VWCE: variants seen among roughly 807,000 people sequenced by gnomAD.
The protein encoded by VWCE is von Willebrand factor C and EGF domain-containing protein.
Under a neutral mutation model 102.9 loss-of-function variants are expected in VWCE, and 68 were observed. That is an observed-to-expected ratio of 0.66 (90% confidence interval 0.54 to 0.81). The LOEUF (loss-of-function observed/expected upper bound fraction) is 0.81, where lower values mean the gene tolerates loss of function less well. VWCE is among the 30% of genes least tolerant of loss of function. The probability of loss-of-function intolerance (pLI) is 0.00; values close to 1 mark genes in which losing one functional copy is unlikely to be tolerated. For missense variants in VWCE, 1,137 were observed against 1,263.6 expected (o/e 0.90, Z 1.52); for synonymous variants, 497 against 515.4 (o/e 0.96, Z 0.48).
In VWCE at chr11:61,278,422, T is replaced by C. The variant is rs201355506; in HGVS notation, c.1379A>G (p.Asn460Ser). The C allele has an allele frequency of 6.6e-5, 106 of 1,614,146 alleles. 1 individual carries two copies. In the East Asian group the frequency reaches 1.2e-3, roughly 19 times the overall value. ...ACAGACACAGACGGTGCAGTTCTCA[T>C]TGGGAGGTGAAAACACATCCCCTTC... is the stretch of plus-strand genomic sequence containing the variant. The part of the protein sequence containing the change: ...RAEGDVFSPP[N>S]ENCTVCVCLA... The change falls in exon 10 of 20, where the codon AAT (asparagine) becomes AGT (serine). Residue 460 changes from asparagine (N) to serine (S), a missense_variant. By Grantham distance (46) the Asn-to-Ser change is conservative. Coordinates refer to ENST00000335613, the MANE Select transcript of VWCE (RefSeq NM_152718.2).
chr11:61,294,902 A>G lies in VWCE; in HGVS notation c.110+26T>C. ...CCGGTAGCGCTCTCCCGGGCGGGGG[A>G]GCGGGGAGGAGCTCCGGGCGCTTAC... On this transcript the variant is annotated intron_variant, in intron 1 of 19. Transcript: ENST00000335613. This position sits in a 1 kb window ranked among gnomAD's most constrained non-coding sequence, Gnocchi z 6.3. 2.2e-6 allele frequency: 3 copies of G among 1,355,310 alleles called. No individual in the cohort carries two copies. Among genetic ancestry groups the G allele is most frequent in the Non-Finnish European group, 2.9e-6 (3 of 1,043,440 alleles). 84.0% of individuals were successfully genotyped at this position (1,355,310 alleles called of 1,614,324 possible). A position where few individuals can be genotyped will look rare whatever the true frequency, so the allele number is the denominator to read the frequency against.
intron 4 of VWCE, among the ~76,000 whole-genome samples, chr11:61,290,506 C>T (rs1418027814): frequency 1.5e-5 from 2 of 137,804 alleles, no homozygotes; most frequent in African/African-American, 2.8e-5. Flanking sequence ...AGTGAAACTT[C>T]GTCTCAAAAA....
intron 13 of VWCE, 51 bp from the exon 14 acceptor site, chr11:61,271,811 C>A: frequency 1.9e-6 from 3 of 1,549,940 alleles, no homozygotes; most frequent in Admixed American, 1.7e-5. Flanking sequence ...TAGACTACAA[C>A]AGCAGCAAGG....
Position 61,264,592 on chromosome 11 carries a change from G to A in VWCE, c.2140-15C>T. The A allele has an allele frequency of 6.3e-7, 1 of 1,598,314 alleles. No homozygotes were observed. Among genetic ancestry groups the A allele is most frequent in the South Asian group, 1.1e-5 (1 of 88,338 alleles). On this transcript the variant is annotated splice_polypyrimidine_tract_variant and intron_variant, in intron 18 of 19. Transcript: ENST00000335613. ...ACCTCTCCCAGCTGGGGAAGCAGAA[G>A]GAACCCCATGAGGAAGCCCAGAGCA...
chr11:61,291,278 C>T lies in VWCE; in HGVS notation c.281G>A (p.Gly94Glu). 6.3e-7 allele frequency: 1 copy of T among 1,592,206 alleles called. No homozygotes were observed. The highest frequency in any genetic ancestry group is 2.2e-5 in the East Asian group (1 of 44,638). The part of the protein sequence containing the change: ...NVCSCQDGEQ[G>E]ATCPETHGPC... ...TCCCCAGTTACCTGGGCAGGTGGCC[C>T]CTTGCTCTCCATCCTGGCAGGAGCA... Residue 94 changes from glycine (G) to glutamate (E), a missense_variant, in exon 3 of 20, where the codon GGG becomes GAG. By Grantham distance (98) the Gly-to-Glu change is moderately conservative. This residue lies in a region of VWCE where 575 missense variants were observed against 625.9 expected (regional missense o/e 0.92). Transcript: ENST00000335613.
Position 61,281,056 on chromosome 11 carries a change from G to A in VWCE, c.967C>T (p.Pro323Ser). The change falls in exon 8 of 20, where the codon CCA becomes TCA. Residue 323 changes from proline to serine, a missense_variant. Around this residue, in one of 5 missense-constraint regions of VWCE, gnomAD observed 575 missense variants for 625.9 expected, o/e 0.92. Transcript: ENST00000335613. ...GAAGGGGAGGATGTGGGTAGTCGTG[G>A]GGTGGGAGATGGCAGGCGGGTGGTC... Reference protein sequence around the residue: ...VRTTRLPSPTPRLPTSSPSAP... With the variant: ...VRTTRLPSPTSRLPTSSPSAP... The A allele has an allele frequency of 6.3e-7, 1 of 1,598,984 alleles. No homozygotes were observed. Among genetic ancestry groups the A allele is most frequent in the Non-Finnish European group, 8.5e-7 (1 of 1,172,216 alleles).
intron 9 of VWCE, among the ~76,000 whole-genome samples, chr11:61,278,867 C>T (rs1268506212): frequency 2.6e-5 from 4 of 151,648 alleles, no homozygotes; most frequent in South Asian, 2.1e-4. Flanking sequence ...GGTGAAACCC[C>T]GTCTCTACTG....
intron 16 of VWCE, among the ~76,000 whole-genome samples, chr11:61,266,200 A>AT (rs1292570245): frequency 6.6e-6 from 1 of 152,024 alleles, no homozygotes; most frequent in Non-Finnish European, 1.5e-5. Context: ...CTGTCTCAGT[A>AT]TTTTTTTATG....
At chr11:61,267,929 C>G (rs770933821) in intron 15 of VWCE, among the ~76,000 whole-genome samples, 1 of 151,980 alleles carries the variant, frequency 6.6e-6, no homozygotes, top group African/African-American at 2.4e-5. Flanking sequence ...CCACCAACCC[C>G]GCCTGTCCAG....
rs1444709920 is a variant in VWCE, at chr11:61,259,025, C to A, written c.2518G>T (p.Ala840Ser). The A allele has an allele frequency of 1.2e-6, 2 of 1,613,766 alleles. No individual in the cohort carries two copies. Among genetic ancestry groups the A allele is most frequent in the Non-Finnish European group, 1.7e-6 (2 of 1,179,834 alleles). ...LTATFPGEPG[A>S]SPRLSPGPST... ...GGCCCTGGTGAGAGTCGAGGGGAGGCCCCAGGCTCCCCTGGGAAAGTGGCT... is the reference window on the plus strand; with the variant it reads ...GGCCCTGGTGAGAGTCGAGGGGAGGACCCAGGCTCCCCTGGGAAAGTGGCT... The change falls in exon 20 of 20, where the codon GCC becomes TCC. Residue 840 changes from alanine to serine, a missense_variant. By Grantham distance (99) the Ala-to-Ser change is moderately conservative. Coordinates refer to ENST00000335613, the MANE Select transcript of VWCE (RefSeq NM_152718.2).
rs1293468389 is a variant in VWCE at position 61,282,423 on chromosome 11, A to G, written c.658+366T>C. On this transcript the variant is annotated intron_variant, in intron 6 of 19. Coordinates refer to ENST00000335613, the MANE Select transcript of VWCE (RefSeq NM_152718.2). ...TGGAAATTTCTGCTAATGGGCTGAG[A>G]AAACAGGGTCTCCTTCTAAACCAGA... 3 of 212,546 alleles carry G rather than the reference A, an allele frequency of 1.4e-5. No homozygotes were observed. The Admixed American group carries it at 1.7e-4, about 12-fold the overall frequency. The allele number at this position is 212,546 out of a possible 1,614,324, so 13.2% of individuals were successfully genotyped here.
chr11:61,274,227 G>C (rs1453123113), intron 12 of VWCE, among the ~76,000 whole-genome samples: 3 of 152,146 alleles, frequency 2.0e-5, no homozygotes, highest in Admixed American at 2.0e-4. Flanking sequence ...CACCTAGGCA[G>C]TGGGCTTCCG....
chr11:61,269,207 C>T lies in VWCE; in HGVS notation c.1786-189G>A, dbSNP rs184526513. On this transcript the variant is annotated intron_variant, in intron 14 of 19. Coordinates refer to ENST00000335613, the MANE Select transcript of VWCE (RefSeq NM_152718.2). ...CTTGAGAAAGGCCATGTGAGCCTTCCAGGAAGTCTATGCATCTTTAAGGAG... is the reference window on the plus strand; with the variant it reads ...CTTGAGAAAGGCCATGTGAGCCTTCTAGGAAGTCTATGCATCTTTAAGGAG... 138 of 592,310 alleles carry T rather than the reference C, an allele frequency of 2.3e-4. No homozygotes were observed. In the East Asian group the frequency reaches 3.7e-3, roughly 16 times the overall value. 36.7% of individuals were successfully genotyped at this position (592,310 alleles called of 1,614,324 possible).
At chr11:61,278,046 TG>T (rs1388620503) in intron 10 of VWCE, among the ~76,000 whole-genome samples, 1 of 152,182 alleles carries the variant, frequency 6.6e-6, no homozygotes, top group Non-Finnish European at 1.5e-5. Context: ...TTCCCAAATG[TG>T]GAGACCTTTA....
intron 5 of VWCE, among the ~76,000 whole-genome samples, chr11:61,283,828 A>G (rs549931300): frequency 6.6e-6 from 1 of 152,310 alleles, no homozygotes; most frequent in South Asian, 2.1e-4. Context: ...TCATACTTCA[A>G]AACTCAGCTT....
chr11:61,268,778 T>C, intron 15 of VWCE, 144 bp downstream of exon 15: 1 of 766,258 alleles, frequency 1.3e-6, no homozygotes, highest in Non-Finnish European at 2.1e-6. Flanking sequence ...GGGTAAACTG[T>C]TCTACCTCAG....
At position 61,267,456 on chromosome 11, in the gene VWCE, C is replaced by G; in HGVS notation, c.1965+6G>C. On this transcript the variant is annotated splice_donor_region_variant and intron_variant, in intron 16 of 19. Coordinates refer to ENST00000335613, the MANE Select transcript of VWCE (RefSeq NM_152718.2). ...GGGGCGGGAGTCAGATCTGGGTGGT[C>G]CATACCAGGCAGATGCAGCTCAGAC... 1.2e-6 allele frequency: 2 copies of G among 1,613,980 alleles called. No homozygotes were observed. The highest frequency in any genetic ancestry group is 2.2e-5 in the South Asian group (2 of 91,062).
intron 12 of VWCE, 98 bp from the exon 13 acceptor site, chr11:61,273,414 C>A (rs764135574): frequency 8.7e-7 from 1 of 1,145,532 alleles, no homozygotes; most frequent in African/African-American, 1.6e-5. Context: ...ATCACCCTCC[C>A]GGCTACTCAA....
At chr11:61,271,578 C>T in intron 14 of VWCE, 97 bp downstream of exon 14, 1 of 1,247,412 alleles carries the variant, frequency 8.0e-7, no homozygotes, top group Non-Finnish European at 1.1e-6. Context: ...TGCGGCCAGC[C>T]TGAGGCCAGC....
Sources: gnomAD v4.1 joint callset for allele counts (sites outside exome capture counted in the v4.1 genomes callset) on GRCh38, gnomAD v4.1.1 for gene constraint, gnomAD v4.1.1 regional missense constraint, Gnocchi (gnomAD v3.1) non-coding constraint, MANE v1.5 for transcripts, NCBI Gene and HGNC (gene_info 2026-07-23, HGNC 2026-07-21) for gene names.